The following PIK3C2G variants were observed in gnomAD, a reference collection of about 807,000 sequenced individuals.
PIK3C2G encodes the protein phosphatidylinositol 3-kinase C2 domain-containing subunit gamma.
A neutral mutation model predicts 181.1 loss-of-function variants in PIK3C2G; 168 were observed. The ratio of observed to expected loss-of-function variants is 0.93; its 90% CI spans 0.82 to 1.05. The LOEUF (loss-of-function observed/expected upper bound fraction) is 1.05, where lower values mean the gene tolerates loss of function less well. Ranked by LOEUF, PIK3C2G falls within the 50% of genes least tolerant of loss-of-function variation. PIK3C2G has a pLI of 0.00. For missense variants in PIK3C2G, 1,869 were observed against 1,732.8 expected (o/e 1.08, Z -1.40); for synonymous variants, 573 against 592.2 (o/e 0.97, Z 0.47).
the PIK3C2G span, among the ~76,000 whole-genome samples, chr12:18,702,228 A>C: frequency 6.6e-6 from 1 of 152,008 alleles, no homozygotes; most frequent in Non-Finnish European, 1.5e-5. Flanking sequence ...GGCATCTAGT[A>C]TAGACTAAAT....
At chr12:18,723,292 G>C in the PIK3C2G span, 2 of 1,585,964 alleles carry the variant, frequency 1.3e-6, no homozygotes, top group Non-Finnish European at 1.7e-6. Context: ...TCCGATAAAA[G>C]TTTGAAATGC....
intron 31 of PIK3C2G, among the ~76,000 whole-genome samples, chr12:18,619,822 T>C (rs1948765930): frequency 6.6e-6 from 1 of 151,630 alleles, no homozygotes; most frequent in African/African-American, 2.4e-5. Context: ...CCTCCCGGGT[T>C]CACGCCATTC....
chr12:18,387,944 C>T (rs1375131393), intron 14 of PIK3C2G, among the ~76,000 whole-genome samples: 1 of 152,180 alleles, frequency 6.6e-6, no homozygotes, highest in Non-Finnish European at 1.5e-5. Context: ...CTAAGCAAGA[C>T]GTCTCCTTAA....
intron 18 of PIK3C2G, among the ~76,000 whole-genome samples, chr12:18,473,137 A>G (rs1457666632): frequency 2.6e-5 from 4 of 152,126 alleles, no homozygotes; most frequent in Non-Finnish European, 5.9e-5. Context: ...ATCGTTTTTT[A>G]TCCTGGGGGT....
At chr12:18,526,199 C>T (rs974070033) in intron 24 of PIK3C2G, among the ~76,000 whole-genome samples, 1 of 152,122 alleles carries the variant, frequency 6.6e-6, no homozygotes, top group Non-Finnish European at 1.5e-5. Context: ...CAATCATTCT[C>T]CTTCAGTACA....
the PIK3C2G span, chr12:18,683,678 T>C: frequency 4.4e-5 from 55 of 1,246,276 alleles, no homozygotes; most frequent in Non-Finnish European, 1.1e-5. Flanking sequence ...GGGAGCACAG[T>C]GTAAATCACC....
At chr12:18,519,999 TACTA>T (rs1942805112) in intron 24 of PIK3C2G, among the ~76,000 whole-genome samples, 1 of 57,062 alleles carries the variant, frequency 1.8e-5, no homozygotes, top group African/African-American at 7.2e-5. Flanking sequence ...GATCAATAAA[TACTA>T]AAAAAAAAAA....
chr12:18,588,928 C>A (rs963403318), intron 29 of PIK3C2G, among the ~76,000 whole-genome samples: 6 of 152,068 alleles, frequency 3.9e-5, no homozygotes, highest in African/African-American at 1.4e-4. Context: ...AGAGCAAGAT[C>A]ATGTCCTCTT....
At chr12:18,477,432 T>A (rs1347951684) in intron 18 of PIK3C2G, among the ~76,000 whole-genome samples, 1 of 152,110 alleles carries the variant, frequency 6.6e-6, no homozygotes, top group Non-Finnish European at 1.5e-5. Context: ...GCCTATAAGG[T>A]ACAACCTGAA....
At chr12:18,718,321 T>A in the PIK3C2G span, among the ~76,000 whole-genome samples, 1 of 152,130 alleles carries the variant, frequency 6.6e-6, no homozygotes, top group Non-Finnish European at 1.5e-5. Context: ...CCAAATCATC[T>A]TCTACCTCCA....
the PIK3C2G span, chr12:18,715,755 G>C: frequency 2.0e-5 from 3 of 152,274 alleles, no homozygotes; most frequent in South Asian, 6.2e-4. Context: ...TCCCACTTCA[G>C]CCTCAAAACT....
downstream of PIK3C2G, among the ~76,000 whole-genome samples, chr12:18,650,299 CTCTCT>C: frequency 7.7e-5 from 1 of 12,932 alleles, no homozygotes; most frequent in South Asian, 7.7e-3. Context: ...AAATTTCTCT[CTCTCT>C]CTCTCTCTCT....
chr12:18,596,399 A>G (rs1024209016), intron 30 of PIK3C2G, among the ~76,000 whole-genome samples: 1 of 152,094 alleles, frequency 6.6e-6, no homozygotes, highest in Non-Finnish European at 1.5e-5. Context: ...TTTTATTTTA[A>G]GTGTATATTC....
intron 31 of PIK3C2G, among the ~76,000 whole-genome samples, chr12:18,613,347 GAT>G (rs2136620952): frequency 6.6e-6 from 1 of 152,122 alleles, no homozygotes; most frequent in East Asian, 1.9e-4. Context: ...TGTCAGGAAA[GAT>G]AGAAGACAAC....
the PIK3C2G span, chr12:18,683,180 T>A: frequency 7.1e-7 from 1 of 1,408,694 alleles, no homozygotes; most frequent in African/African-American, 1.4e-5. Context: ...CATAAAGACA[T>A]TCATTTTGGC....
chr12:18,310,943 G>A (rs925526369), intron 5 of PIK3C2G, among the ~76,000 whole-genome samples: 5 of 151,868 alleles, frequency 3.3e-5, no homozygotes, highest in African/African-American at 9.7e-5. Flanking sequence ...ACAGAAATAC[G>A]TGTGTTACCT....
At chr12:18,446,991 T>C (rs1947064800) in intron 18 of PIK3C2G, among the ~76,000 whole-genome samples, 1 of 152,194 alleles carries the variant, frequency 6.6e-6, no homozygotes, top group Admixed American at 6.5e-5. Context: ...TGAAAATATA[T>C]TGATATTTCC....
In PIK3C2G at chr12:18,496,117, C is replaced by T. The variant is rs1200380403; in HGVS notation, c.2849C>T (p.Ala950Val). The change falls in exon 21 of 33, where the codon GCT becomes GTT. Residue 950 changes from alanine (A) to valine (V), a missense_variant. Coordinates refer to ENST00000538779, the MANE Select transcript of PIK3C2G (RefSeq NM_001288772.2). Reference sequence around the variant, plus strand: ...CCATTGAAGATTACTTTCATCAATGCTAATCCGATGGGCAAAAACATCAGC... The same window carrying T: ...CCATTGAAGATTACTTTCATCAATGTTAATCCGATGGGCAAAAACATCAGC... ...ALPLKITFIN[A>V]NPMGKNISII... The T allele has an allele frequency of 3.9e-6, 6 of 1,545,938 alleles. No homozygotes were observed. The South Asian group carries it at 4.9e-5, about 13-fold the overall frequency.
At chr12:18,596,368 G>A (rs1391062404) in intron 30 of PIK3C2G, among the ~76,000 whole-genome samples, 4 of 151,944 alleles carry the variant, frequency 2.6e-5, no homozygotes, top group East Asian at 1.9e-4. Context: ...CAACAAAGCA[G>A]TAACCAAAAA....
Sources: gnomAD v4.1 joint callset for allele counts (sites outside exome capture counted in the v4.1 genomes callset) on GRCh38, gnomAD v4.1.1 for gene constraint, MANE v1.5 for transcripts, NCBI Gene and HGNC (gene_info 2026-07-23, HGNC 2026-07-21) for gene names.